Variants in AGMO observed in about 807,000 individuals in gnomAD.
AGMO encodes glyceryl-ether monooxygenase.
In AGMO, 75 loss-of-function variants were observed where a neutral mutation model predicts 60.2. The observed-to-expected ratio is 1.25, with a 90% CI of 1.03 to 1.51. AGMO has a LOEUF of 1.51. Ranked by LOEUF, AGMO falls within the 40% of genes most tolerant of loss-of-function variation. The pLI is 0.00. For missense variants in AGMO, 763 were observed against 525.5 expected (o/e 1.45, Z -4.42); for synonymous variants, 261 against 177.1 (o/e 1.47, Z -3.76).
chr7:15,459,474 C>T (rs1782080240), intron 3 of AGMO, among the ~76,000 whole-genome samples: 1 of 151,978 alleles, frequency 6.6e-6, no homozygotes, highest in Non-Finnish European at 1.5e-5. Context: ...CTGCCCTCTC[C>T]CCAGGGAGGC....
Position 15,553,851 on chromosome 7 carries a change from C to T in AGMO, c.257+6290G>A, listed in dbSNP as rs1338706045. 4.6e-5 allele frequency among the ~76,000 whole-genome samples: 7 copies of T among 152,092 alleles called. No homozygotes were observed. In the East Asian group the frequency reaches 7.7e-4, roughly 17 times the overall value. On this transcript the variant is annotated intron_variant, in intron 2 of 12. Transcript: ENST00000342526. ...CTGACTTATTAGGGTTAACACAAAT[C>T]GAGCTGAAATATGCCTAACATACTA... is the stretch of plus-strand genomic sequence containing the variant.
intron 10 of AGMO, among the ~76,000 whole-genome samples, chr7:15,371,920 AGTG>A (rs202189874): frequency 0.13 from 13,292 of 101,306 alleles, 162 homozygotes; most frequent in Non-Finnish European, 0.16. Context: ...TAAATTATTA[AGTG>A]TTTCTAAATA....
chr7:15,454,904 A>T (rs1367643494), intron 3 of AGMO, among the ~76,000 whole-genome samples: 1 of 152,148 alleles, frequency 6.6e-6, no homozygotes, highest in African/African-American at 2.4e-5. Flanking sequence ...CACTTACCAG[A>T]TGCAACCGCT....
Position 15,291,516 on chromosome 7 carries a change from GAGAA to G in AGMO, c.1263+73994_1263+73997del, listed in dbSNP as rs760508230. On this transcript the variant is annotated intron_variant, in intron 12 of 12. Transcript: ENST00000342526. ...ATTCTTTGTTTGCTTAAATATTAAG[GAGAA>G]AGAAACTCTTTAGAACCCATGGAAT... Among the ~76,000 whole-genome samples, 6 of 152,106 alleles carry G rather than the reference GAGAA, an allele frequency of 3.9e-5. No homozygotes were observed. The East Asian group carries it at 7.7e-4, about 20-fold the overall frequency.
chr7:15,433,063 C>T (rs1781299239), intron 3 of AGMO, among the ~76,000 whole-genome samples: 1 of 152,078 alleles, frequency 6.6e-6, no homozygotes, highest in South Asian at 2.1e-4. Context: ...TAACTTATGA[C>T]TTATAAACCT....
chr7:15,449,593 C>A (rs997688372), intron 3 of AGMO, among the ~76,000 whole-genome samples: 1 of 152,114 alleles, frequency 6.6e-6, no homozygotes, highest in Non-Finnish European at 1.5e-5. Flanking sequence ...ATAGGCTATA[C>A]TATATAGCCT....
intron 3 of AGMO, among the ~76,000 whole-genome samples, chr7:15,466,621 T>G (rs1157780098): frequency 3.3e-5 from 5 of 152,176 alleles, no homozygotes; most frequent in Non-Finnish European, 7.4e-5. Context: ...GGTTTGAATA[T>G]CTGCTCATCT....
intron 12 of AGMO, among the ~76,000 whole-genome samples, chr7:15,232,179 G>A (rs891460323): frequency 3.3e-5 from 5 of 151,936 alleles, no homozygotes; most frequent in African/African-American, 7.3e-5. Context: ...CCTTGCCTAC[G>A]CTCTACATTA....
chr7:15,466,320 C>A (rs939887767), intron 3 of AGMO, among the ~76,000 whole-genome samples: 3 of 152,066 alleles, frequency 2.0e-5, no homozygotes, highest in Non-Finnish European at 4.4e-5. Context: ...TCTGGGTAAT[C>A]TGAATTTTAT....
chr7:15,275,273 G>C (rs1164887268), intron 12 of AGMO, among the ~76,000 whole-genome samples: 1 of 151,772 alleles, frequency 6.6e-6, no homozygotes, highest in Non-Finnish European at 1.5e-5. Flanking sequence ...AGATTTTTTT[G>C]AATTCTGCTT....
chr7:15,267,209 T>G (rs982731673), intron 12 of AGMO, among the ~76,000 whole-genome samples: 2 of 151,912 alleles, frequency 1.3e-5, no homozygotes, highest in Non-Finnish European at 1.5e-5. Context: ...ATCCTCATTA[T>G]TTTCTTGCTT....
chr7:15,153,314 T>A, the AGMO span, among the ~76,000 whole-genome samples: 65 of 152,334 alleles, frequency 4.3e-4, no homozygotes, highest in Non-Finnish European at 8.8e-4. Context: ...TGATGATGAT[T>A]TCTTCTCCTT....
chr7:15,349,888 T>C (rs1034000873), intron 12 of AGMO, among the ~76,000 whole-genome samples: 1 of 152,136 alleles, frequency 6.6e-6, no homozygotes, highest in African/African-American at 2.4e-5. Context: ...GAATTACCTC[T>C]TACTGGGTCC....
At position 15,373,803 on chromosome 7, in the gene AGMO, A is replaced by T. The variant is rs76198042; in HGVS notation, c.1075-7581T>A. Among the ~76,000 whole-genome samples, 1,482 of 152,320 alleles carry T rather than the reference A, an allele frequency of 9.7e-3. 30 individuals are homozygous for T. Among genetic ancestry groups the T allele is most frequent in the African/African-American group, 0.035 (1,449 of 41,582 alleles). ...ATGAAAATCTCTAGATTTTCTTATTAAAACAAGTTGGTACGTTTTTAGTAG... is the reference window on the plus strand; with the variant it reads ...ATGAAAATCTCTAGATTTTCTTATTTAAACAAGTTGGTACGTTTTTAGTAG... On this transcript the variant is annotated intron_variant, in intron 10 of 12. Coordinates refer to ENST00000342526, the MANE Select transcript of AGMO (RefSeq NM_001004320.2).
chr7:15,391,681 C>T (rs1440813121), intron 6 of AGMO, among the ~76,000 whole-genome samples: 1 of 152,120 alleles, frequency 6.6e-6, no homozygotes, highest in Non-Finnish European at 1.5e-5. Context: ...AAAAATCTCC[C>T]ATAGTATAAA....
intron 12 of AGMO, among the ~76,000 whole-genome samples, chr7:15,325,149 G>A (rs1781297229): frequency 6.6e-6 from 1 of 151,952 alleles, no homozygotes; most frequent in South Asian, 2.1e-4. Context: ...TTAATTTCAC[G>A]TTTTGAGAAA....
At chr7:15,134,414 T>C in the AGMO span, among the ~76,000 whole-genome samples, 1 of 152,144 alleles carries the variant, frequency 6.6e-6, no homozygotes, top group Non-Finnish European at 1.5e-5. Context: ...GCGTATGCAA[T>C]ACGTCACAAT....
At chr7:15,306,114 T>C (rs1780604918) in intron 12 of AGMO, 1 of 153,254 alleles carries the variant, frequency 6.5e-6, no homozygotes, top group African/African-American at 2.4e-5. Context: ...TCCTTCAATA[T>C]CTACTTTAAT....
intron 12 of AGMO, among the ~76,000 whole-genome samples, chr7:15,329,675 CATT>C (rs1312646410): frequency 6.6e-6 from 1 of 152,108 alleles, no homozygotes; most frequent in Admixed American, 6.6e-5. Flanking sequence ...ATATCCTGTC[CATT>C]ATTATGTTTA....
Sources: allele counts gnomAD v4.1 joint callset (sites outside exome capture counted in the v4.1 genomes callset), GRCh38; gene constraint gnomAD v4.1.1; transcripts MANE v1.5; gene names NCBI Gene and HGNC (gene_info 2026-07-23, HGNC 2026-07-21).